Variants in VTI1A observed in about 807,000 individuals in gnomAD.
VTI1A encodes vesicle transport through interaction with t-SNAREs 1A, also known as vesicle transport through interaction with t-SNAREs homolog 1A.
A neutral mutation model predicts 34.9 loss-of-function variants in VTI1A; 22 were observed. The observed-to-expected ratio is 0.63, with a 90% CI of 0.45 to 0.90. The LOEUF (loss-of-function observed/expected upper bound fraction) is 0.90. Among genes scored for constraint, VTI1A ranks in the 40% least tolerant of loss-of-function variants. The pLI, the probability that VTI1A is intolerant of heterozygous loss-of-function variation, is 0.00. For missense variants in VTI1A, 268 were observed against 275.6 expected (o/e 0.97, Z 0.20); for synonymous variants, 87 against 97.3 (o/e 0.89, Z 0.62).
chr10:112,706,690 C>A (rs1283045288), intron 7 of VTI1A, among the ~76,000 whole-genome samples: 1 of 152,184 alleles, frequency 6.6e-6, no homozygotes, highest in Non-Finnish European at 1.5e-5. Flanking sequence ...CCACTCTGAA[C>A]CATAACTGCT....
intron 5 of VTI1A, among the ~76,000 whole-genome samples, chr10:112,654,770 C>T (rs1027819199): frequency 5.3e-5 from 8 of 152,152 alleles, no homozygotes; most frequent in South Asian, 2.1e-4. Flanking sequence ...CGTGAGCCAC[C>T]GCGCCCGGCC....
chr10:112,464,831 G>C (rs1421751442), intron 3 of VTI1A, 174 bp downstream of exon 3: 2 of 609,836 alleles, frequency 3.3e-6, no homozygotes, highest in African/African-American at 3.7e-5. Context: ...GCTAATGGTG[G>C]AATTTAAGGT....
chr10:112,527,263 A>T lies in VTI1A; in HGVS notation c.342+99A>T, dbSNP rs1589863862. Reference sequence around the variant, plus strand: ...GCTGCTCCTTAACGGTATTAGCAGCAACTCATGTGGAAGCGATACTGTTTA... The same window carrying T: ...GCTGCTCCTTAACGGTATTAGCAGCTACTCATGTGGAAGCGATACTGTTTA... On this transcript the variant is annotated intron_variant, in intron 4 of 7. Transcript: ENST00000393077. 3 of 983,434 alleles carry T rather than the reference A, an allele frequency of 3.1e-6. No homozygotes were observed. The East Asian group carries it at 7.4e-5, about 24-fold the overall frequency. The allele number at this position is 983,434 out of a possible 1,614,324, so 60.9% of individuals were successfully genotyped here. A position where few individuals can be genotyped will look rare whatever the true frequency, so the allele number is the denominator to read the frequency against.
chr10:112,623,135 G>T (rs573182995), intron 5 of VTI1A, among the ~76,000 whole-genome samples: 2 of 152,242 alleles, frequency 1.3e-5, no homozygotes, highest in East Asian at 3.9e-4. Context: ...CTTTAAATGT[G>T]CTGGCATGAG....
chr10:112,619,810 C>T (rs1845657843), intron 5 of VTI1A, among the ~76,000 whole-genome samples: 1 of 152,042 alleles, frequency 6.6e-6, no homozygotes, highest in Non-Finnish European at 1.5e-5. Flanking sequence ...GATTTGCTTG[C>T]CAACAAGTAC....
At chr10:112,628,389 A>G (rs1208413119) in intron 5 of VTI1A, among the ~76,000 whole-genome samples, 5 of 152,230 alleles carry the variant, frequency 3.3e-5, no homozygotes, top group African/African-American at 1.2e-4. Flanking sequence ...AGTGAAAAAC[A>G]GAGTCACCTA....
At chr10:112,665,623 C>T (rs1429513318) in intron 5 of VTI1A, among the ~76,000 whole-genome samples, 2 of 152,224 alleles carry the variant, frequency 1.3e-5, no homozygotes, top group African/African-American at 2.4e-5. Context: ...TCTTTACTTC[C>T]TGTTTGTTGA....
At chr10:112,631,518 G>A (rs1464095619) in intron 5 of VTI1A, among the ~76,000 whole-genome samples, 1 of 152,140 alleles carries the variant, frequency 6.6e-6, no homozygotes, top group East Asian at 1.9e-4. Flanking sequence ...CCTACAACAT[G>A]TGACCTTTTG....
At chr10:112,643,153 TTTTTTTTTTTC>T (rs1846645686) in intron 5 of VTI1A, among the ~76,000 whole-genome samples, 1 of 106,480 alleles carries the variant, frequency 9.4e-6, no homozygotes, top group Admixed American at 1.3e-4. Context: ...CCTGGCTAAT[TTTTTTTTTTTC>T]TTTTTTTTTT....
the VTI1A span, among the ~76,000 whole-genome samples, chr10:112,846,983 C>T: frequency 1.3e-5 from 2 of 152,136 alleles, no homozygotes; most frequent in Admixed American, 6.5e-5. Context: ...TTGATTTAGA[C>T]TTCTGACCTC....
intron 5 of VTI1A, among the ~76,000 whole-genome samples, chr10:112,559,636 G>A (rs1048866751): frequency 2.6e-5 from 4 of 152,056 alleles, no homozygotes; most frequent in African/African-American, 9.7e-5. Context: ...TTCCACAGTG[G>A]ATTATCTCTT....
chr10:112,620,703 T>A (rs1845702202), intron 5 of VTI1A, among the ~76,000 whole-genome samples: 1 of 150,556 alleles, frequency 6.6e-6, no homozygotes, highest in Non-Finnish European at 1.5e-5. Flanking sequence ...GGCAGGAGAA[T>A]CGCTTGAACC....
chr10:112,773,948 G>A (rs1296685848), intron 7 of VTI1A, among the ~76,000 whole-genome samples: 1 of 152,204 alleles, frequency 6.6e-6, no homozygotes, highest in Non-Finnish European at 1.5e-5. Flanking sequence ...ATAAACACAG[G>A]AGGTTAGAGC....
At chr10:112,694,539 G>A (rs1274950848) in intron 7 of VTI1A, among the ~76,000 whole-genome samples, 2 of 152,050 alleles carry the variant, frequency 1.3e-5, no homozygotes, top group Non-Finnish European at 2.9e-5. Context: ...TCTAATGTCT[G>A]GAAGCATGCC....
chr10:112,538,818 AT>A (rs1237845475), intron 5 of VTI1A, among the ~76,000 whole-genome samples: 1 of 152,142 alleles, frequency 6.6e-6, no homozygotes, highest in African/African-American at 2.4e-5. Flanking sequence ...AAAAAAAAAA[AT>A]CATGAATAGA....
chr10:112,510,201 G>A (rs1292701041), intron 3 of VTI1A, among the ~76,000 whole-genome samples: 1 of 152,210 alleles, frequency 6.6e-6, no homozygotes, highest in Non-Finnish European at 1.5e-5. Flanking sequence ...CACGGTAAAA[G>A]ATCTTTGGTT....
At chr10:112,580,222 G>A (rs1259192689) in intron 5 of VTI1A, among the ~76,000 whole-genome samples, 1 of 152,112 alleles carries the variant, frequency 6.6e-6, no homozygotes, top group East Asian at 1.9e-4. Context: ...CCTCAGAAAG[G>A]AGAAACACTT....
At chr10:112,831,061 C>T in the VTI1A span, 2 of 151,136 alleles carry the variant, frequency 1.3e-5, no homozygotes, top group African/African-American at 4.9e-5. Flanking sequence ...AATATGCACT[C>T]CCCAGCTAAT....
At chr10:112,642,919 A>G (rs990338404) in intron 5 of VTI1A, among the ~76,000 whole-genome samples, 1 of 149,978 alleles carries the variant, frequency 6.7e-6, no homozygotes, top group African/African-American at 2.5e-5. Context: ...CTAGAACTGT[A>G]TTTAAATGCA....
Sources: gnomAD v4.1 joint callset for allele counts (sites outside exome capture counted in the v4.1 genomes callset) on GRCh38, gnomAD v4.1.1 for gene constraint, MANE v1.5 for transcripts, NCBI Gene and HGNC (gene_info 2026-07-23, HGNC 2026-07-21) for gene names.